Variants in BCR observed in about 807,000 individuals in gnomAD.
The protein encoded by BCR is breakpoint cluster region protein.
Under a neutral mutation model 138.6 loss-of-function variants are expected in BCR, and 58 were observed. The ratio of observed to expected loss-of-function variants is 0.42; its 90% CI spans 0.34 to 0.52. The LOEUF is 0.52. Ranked by LOEUF, BCR falls within the 20% of genes least tolerant of loss-of-function variation. BCR has a pLI of 0.06. For synonymous variants in BCR, 786 were observed against 730.1 expected (o/e 1.08, Z -1.23); for missense variants, 1,599 against 1,727.2 (o/e 0.93, Z 1.32).
Position 23,263,548 on chromosome 22 carries a change from T to G in BCR, c.1752+2008T>G, listed in dbSNP as rs960144203. 1.9e-6 allele frequency: 3 copies of G among 1,575,270 alleles called. No individual in the cohort carries two copies. The Admixed American group carries it at 5.0e-5, about 26-fold the overall frequency. The stretch of plus-strand genomic sequence containing the variant: ...GCTAATTTCATCCTGGCCTACCAGT[T>G]CCGTCCAGATGGTGCCAGCTTGAAC... On this transcript the variant is annotated intron_variant, in intron 4 of 22. Coordinates refer to ENST00000305877, the MANE Select transcript of BCR (RefSeq NM_004327.4).
chr22:23,285,164 A>G lies in BCR; in HGVS notation c.2369A>G (p.Lys790Arg). ...GAGGAGCTGGACGCTTTGAAGATCA[A>G]GATCTCCCAGATCAAGAATGACATC... is the stretch of plus-strand genomic sequence containing the variant. ...PDEELDALKI[K>R]ISQIKNDIQR... Residue 790 changes from lysine (K) to arginine (R), a missense_variant, in exon 10 of 23, where the codon AAG becomes AGG. Around this residue, in one of 4 missense-constraint regions of BCR, gnomAD observed 590 missense variants for 762.4 expected, o/e 0.77. Coordinates refer to ENST00000305877, the MANE Select transcript of BCR (RefSeq NM_004327.4). 6.2e-7 allele frequency: 1 copy of G among 1,613,708 alleles called. No individual in the cohort carries two copies. The highest frequency in any genetic ancestry group is 8.5e-7 in the Non-Finnish European group (1 of 1,179,888).
intron 1 of BCR, among the ~76,000 whole-genome samples, chr22:23,228,882 T>C (rs1239623715): frequency 6.6e-6 from 1 of 152,230 alleles, no homozygotes; most frequent in Non-Finnish European, 1.5e-5. Context: ...TTCTCGGGTC[T>C]GTAAATTTAT....
intron 1 of BCR, among the ~76,000 whole-genome samples, chr22:23,251,751 C>G (rs2073230816): frequency 6.6e-6 from 1 of 152,212 alleles, no homozygotes; most frequent in African/African-American, 2.4e-5. Context: ...TTACAGGTGA[C>G]TCATGGTGAG....
rs1001814327 is a variant in BCR at position 23,223,499 on chromosome 22, G to A, written c.1280-30300G>A. On this transcript the variant is annotated intron_variant, in intron 1 of 22. Coordinates refer to ENST00000305877, the MANE Select transcript of BCR (RefSeq NM_004327.4). ...CCTATGGTGCCTCTCAAGATGAAATGAGAGCATATCCAAAGCCCTGTGTGC... is the reference window on the plus strand; with the variant it reads ...CCTATGGTGCCTCTCAAGATGAAATAAGAGCATATCCAAAGCCCTGTGTGC... 4.6e-5 allele frequency among the ~76,000 whole-genome samples: 7 copies of A among 152,240 alleles called. No homozygotes were observed. The East Asian group carries it at 5.8e-4, about 13-fold the overall frequency.
chr22:23,197,155 G>T (rs1287916089), intron 1 of BCR, among the ~76,000 whole-genome samples: 1 of 152,078 alleles, frequency 6.6e-6, no homozygotes, highest in Non-Finnish European at 1.5e-5. Context: ...TTCTACATTT[G>T]GTATGTTTAG....
intron 22 of BCR, 64 bp downstream of exon 22, chr22:23,314,778 C>A (rs2074049772): frequency 6.3e-7 from 1 of 1,576,374 alleles, no homozygotes; most frequent in Non-Finnish European, 8.7e-7. Flanking sequence ...CTGCCTGCCC[C>A]ACCCCCAGTC....
chr22:23,200,569 T>A (rs1041354473), intron 1 of BCR, among the ~76,000 whole-genome samples: 2 of 151,930 alleles, frequency 1.3e-5, no homozygotes, highest in Non-Finnish European at 2.9e-5. Flanking sequence ...AAAAAAAAAT[T>A]TTTTTTGAAA....
chr22:23,226,327 A>AGTGT (rs751492915), intron 1 of BCR, among the ~76,000 whole-genome samples: 76 of 46,182 alleles, frequency 1.6e-3, no homozygotes, highest in Admixed American at 3.9e-3. Context: ...AGAGAGAGAG[A>AGTGT]GTGTGTGTGT....
rs1288324991 is a variant in BCR at position 23,317,404 on chromosome 22, G to A, written c.*1882G>A. 1.2e-5 allele frequency: 2 copies of A among 173,166 alleles called. No individual in the cohort carries two copies. The highest frequency in any genetic ancestry group is 2.2e-5 in the Non-Finnish European group (2 of 90,520). 10.7% of individuals were successfully genotyped at this position (173,166 alleles called of 1,614,324 possible). On this transcript the variant is annotated 3_prime_UTR_variant, in exon 23 of 23. Coordinates refer to ENST00000305877, the MANE Select transcript of BCR (RefSeq NM_004327.4). ...CTATCTGGGCCCGGTGGGCTCCCTT[G>A]TCCTGGCTTCCATCTCTGTCTCAGC... is the stretch of plus-strand genomic sequence containing the variant.
In BCR at chr22:23,314,516, C is replaced by T. The variant is rs150373374; in HGVS notation, c.3564-36C>T. ...CCCTCTGCCTCTCTCCTGGGGGTGG[C>T]GTTGAAACAGCACCCGCTGCTTTGG... is the stretch of plus-strand genomic sequence containing the variant. On this transcript the variant is annotated intron_variant, in intron 21 of 22. Transcript: ENST00000305877. The T allele has an allele frequency of 1.1e-3, 1,811 of 1,610,250 alleles. 29 individuals are homozygous for T. The East Asian group carries it at 0.034, about 30-fold the overall frequency.
chr22:23,197,117 T>G (rs567303166), intron 1 of BCR, among the ~76,000 whole-genome samples: 2 of 152,346 alleles, frequency 1.3e-5, no homozygotes, highest in East Asian at 3.9e-4. Flanking sequence ...TCCCATAAGA[T>G]TATAATACTG....
chr22:23,313,722 GCTC>G (rs2074033655), intron 20 of BCR, among the ~76,000 whole-genome samples: 1 of 152,166 alleles, frequency 6.6e-6, no homozygotes, highest in African/African-American at 2.4e-5. Context: ...TGCTCTAGCG[GCTC>G]CTCCTGCTGC....
chr22:23,297,961 C>T (rs1167716483), intron 16 of BCR, among the ~76,000 whole-genome samples: 1 of 152,186 alleles, frequency 6.6e-6, no homozygotes, highest in Non-Finnish European at 1.5e-5. Flanking sequence ...GCTGGCTGAG[C>T]ACCCCACCCC....
At chr22:23,313,141 A>C in intron 20 of BCR, 120 bp downstream of exon 20, 1 of 1,279,880 alleles carries the variant, frequency 7.8e-7, no homozygotes, top group Admixed American at 2.2e-5. Flanking sequence ...CATGGTCGGC[A>C]TTTTAACCCA....
intron 1 of BCR, among the ~76,000 whole-genome samples, chr22:23,220,126 A>C (rs2072806169): frequency 6.6e-6 from 1 of 152,210 alleles, no homozygotes; most frequent in Non-Finnish European, 1.5e-5. Context: ...CATGTCTAGC[A>C]GAGCATGCGG....
At chr22:23,263,629 G>A (rs2073399318) in intron 4 of BCR, 1 of 1,497,676 alleles carries the variant, frequency 6.7e-7, no homozygotes, top group Non-Finnish European at 9.3e-7. Flanking sequence ...CTTTGTGCTG[G>A]CCACCTCGCA....
intron 1 of BCR, among the ~76,000 whole-genome samples, chr22:23,235,323 G>A (rs753244647): frequency 6.9e-6 from 1 of 144,048 alleles, no homozygotes; most frequent in Admixed American, 7.0e-5. Flanking sequence ...CAAGTGATCC[G>A]CCTGCCTTGG....
At chr22:23,239,212 G>C (rs2073060301) in intron 1 of BCR, among the ~76,000 whole-genome samples, 1 of 152,180 alleles carries the variant, frequency 6.6e-6, no homozygotes, top group African/African-American at 2.4e-5. Flanking sequence ...TGCTCAGGAA[G>C]GAGCGCAGCT....
intron 16 of BCR, among the ~76,000 whole-genome samples, chr22:23,308,522 G>C (rs1302278155): frequency 6.6e-6 from 1 of 152,108 alleles, no homozygotes; most frequent in Non-Finnish European, 1.5e-5. Context: ...AGCCAGGATG[G>C]TCTCAACCTC....
Sources: gnomAD v4.1 joint callset for allele counts (sites outside exome capture counted in the v4.1 genomes callset) on GRCh38, gnomAD v4.1.1 for gene constraint, gnomAD v4.1.1 regional missense constraint, MANE v1.5 for transcripts, NCBI Gene and HGNC (gene_info 2026-07-23, HGNC 2026-07-21) for gene names.